The following OOEP variants were observed in gnomAD, a reference collection of about 807,000 sequenced individuals.
The protein encoded by OOEP is oocyte expressed protein.
In OOEP, 16 loss-of-function variants were observed where a neutral mutation model predicts 13.7. The ratio of observed to expected loss-of-function variants is 1.16; its 90% CI spans 0.79 to 1.77. The LOEUF (loss-of-function observed/expected upper bound fraction) is 1.77, where lower values mean the gene tolerates loss of function less well. Ranked by LOEUF, OOEP falls within the 40% of genes most tolerant of loss-of-function variation. The pLI is 0.00. For synonymous variants in OOEP, 89 were observed against 77.1 expected, an observed-to-expected ratio of 1.15 and a Z score of -0.81; for missense variants, 195 against 193.1, an observed-to-expected ratio of 1.01 and a Z score of -0.06.
chr6:73,382,850 C>CTTTT lies in OOEP; in HGVS notation c.25+11492_25+11495dup, dbSNP rs765716551. 2.8e-4 allele frequency among the ~76,000 whole-genome samples: 29 copies of CTTTT among 102,254 alleles called. 1 individual carries two copies. The highest frequency in any genetic ancestry group is 3.5e-4 in the Non-Finnish European group (19 of 54,454). 67.1% of individuals were successfully genotyped at this position (102,254 alleles called of 152,430 possible). On this transcript the variant is annotated intron_variant, in intron 2 of 3. Coordinates refer to the OOEP transcript ENST00000370363. ...AGCCAATATGCTCAGTGGTTTTTAA[C>CTTTT]TTTTTTTTTTTTTTTTTTTTTTGAG...
At chr6:73,386,977 GAAAA>G (rs1169476638) in intron 2 of OOEP, among the ~76,000 whole-genome samples, 150 of 30,858 alleles carry the variant, frequency 4.9e-3, no homozygotes, top group Non-Finnish European at 6.2e-3. Flanking sequence ...TTCCATCTCA[GAAAA>G]AAAAAAAAAA....
upstream of OOEP, among the ~76,000 whole-genome samples, chr6:73,373,587 T>TA (rs1172687129): frequency 3.9e-5 from 6 of 152,048 alleles, no homozygotes; most frequent in South Asian, 2.1e-4. Flanking sequence ...ATGCAATTAT[T>TA]TTTTATTTAT....
upstream of OOEP, among the ~76,000 whole-genome samples, chr6:73,374,648 C>T (rs1173654640): frequency 6.6e-6 from 1 of 152,110 alleles, no homozygotes; most frequent in Admixed American, 6.5e-5. Context: ...TCTGGAACTC[C>T]TAGGCTCCAG....
intron 2 of OOEP, among the ~76,000 whole-genome samples, chr6:73,382,850 CTTTTTTTTTT>C (rs765716551): frequency 3.9e-5 from 4 of 102,266 alleles, no homozygotes; most frequent in East Asian, 2.9e-4. Flanking sequence ...TGGTTTTTAA[CTTTTTTTTTT>C]TTTTTTTTTT....
chr6:73,385,849 G>A (rs1769265924), intron 2 of OOEP, among the ~76,000 whole-genome samples: 1 of 152,116 alleles, frequency 6.6e-6, no homozygotes. Flanking sequence ...GCCTCCCAAA[G>A]TGCTGGGATT....
upstream of OOEP, among the ~76,000 whole-genome samples, chr6:73,374,196 A>G (rs1769102937): frequency 6.6e-6 from 1 of 152,132 alleles, no homozygotes; most frequent in African/African-American, 2.4e-5. Context: ...AAAAAATAAA[A>G]TAAAGATAAC....
chr6:73,386,685 G>A (rs1394499397), intron 2 of OOEP, among the ~76,000 whole-genome samples: 1 of 151,980 alleles, frequency 6.6e-6, no homozygotes, highest in Admixed American at 6.6e-5. Context: ...AAGAACTGCA[G>A]CCGGGCGCGG....
At chr6:73,378,564 T>C (rs371296097) in intron 2 of OOEP, among the ~76,000 whole-genome samples, 1 of 151,740 alleles carries the variant, frequency 6.6e-6, no homozygotes, top group African/African-American at 2.4e-5. Flanking sequence ...AAAATCTATA[T>C]ATATATGTTG....
At chr6:73,392,804 G>A (rs1269198410) in intron 2 of OOEP, among the ~76,000 whole-genome samples, 1 of 150,720 alleles carries the variant, frequency 6.6e-6, no homozygotes, top group South Asian at 2.1e-4. Context: ...GCTAATTTTT[G>A]TATTTTTAGT....
upstream of OOEP, among the ~76,000 whole-genome samples, chr6:73,371,689 G>T (rs1393611931): frequency 1.3e-5 from 2 of 151,926 alleles, no homozygotes; most frequent in Non-Finnish European, 2.9e-5. Context: ...GGCGGAGGTT[G>T]TCGTGAGCCA....
chr6:73,371,260 C>T (rs1769049718), upstream of OOEP, among the ~76,000 whole-genome samples: 1 of 152,156 alleles, frequency 6.6e-6, no homozygotes, highest in East Asian at 1.9e-4. Context: ...GCAGGGCATA[C>T]TTACAGGAAA....
At chr6:73,384,811 A>C (rs1164860163) in intron 2 of OOEP, among the ~76,000 whole-genome samples, 1 of 150,666 alleles carries the variant, frequency 6.6e-6, no homozygotes, top group Non-Finnish European at 1.5e-5. Flanking sequence ...ATCTCGGCTC[A>C]CTGCAACCTG....
chr6:73,387,424 G>T (rs1314235383), intron 2 of OOEP, among the ~76,000 whole-genome samples: 1 of 151,956 alleles, frequency 6.6e-6, no homozygotes, highest in Non-Finnish European at 1.5e-5. Flanking sequence ...CAAGGCAGGA[G>T]AATCGCTTGA....
upstream of OOEP, among the ~76,000 whole-genome samples, chr6:73,372,358 G>C (rs748113407): frequency 1.3e-5 from 2 of 152,090 alleles, no homozygotes; most frequent in Non-Finnish European, 2.9e-5. Context: ...GCTGGACACC[G>C]TGAAGCAGTT....
At chr6:73,381,552 T>A (rs1769209068) in intron 2 of OOEP, among the ~76,000 whole-genome samples, 1 of 152,138 alleles carries the variant, frequency 6.6e-6, no homozygotes, top group Admixed American at 6.6e-5. Flanking sequence ...AGTGTTCCAG[T>A]AAAGCAGGAA....
At chr6:73,372,943 TCA>T, upstream of OOEP, among the ~76,000 whole-genome samples, 2 of 144,226 alleles carry the variant, frequency 1.4e-5, no homozygotes, top group South Asian at 4.4e-4. Flanking sequence ...ACGAAAGGCC[TCA>T]CATATTTATT....
intron 2 of OOEP, among the ~76,000 whole-genome samples, chr6:73,385,261 G>A (rs1046259759): frequency 6.6e-6 from 1 of 151,694 alleles, no homozygotes; most frequent in Non-Finnish European, 1.5e-5. Flanking sequence ...GCAGGAAAAT[G>A]GCGTGAACCC....
chr6:73,390,275 C>A (rs1769329236), intron 2 of OOEP, among the ~76,000 whole-genome samples: 1 of 152,142 alleles, frequency 6.6e-6, no homozygotes, highest in African/African-American at 2.4e-5. Flanking sequence ...TTGACAGACA[C>A]AAAATTCCCT....
upstream of OOEP, among the ~76,000 whole-genome samples, chr6:73,374,364 T>C (rs924627022): frequency 3.9e-5 from 6 of 152,104 alleles, no homozygotes; most frequent in African/African-American, 1.4e-4. Context: ...TCCCATGTGT[T>C]TGCCCAGCTT....
Sources: allele counts gnomAD v4.1 joint callset (sites outside exome capture counted in the v4.1 genomes callset), GRCh38; gene constraint gnomAD v4.1.1; transcripts MANE v1.5; gene names NCBI Gene and HGNC (gene_info 2026-07-23, HGNC 2026-07-21).